Variants in ATP2B2 observed in about 807,000 individuals in gnomAD.
ATP2B2 encodes the protein ATPase plasma membrane Ca2+ transporting 2.
A neutral mutation model predicts 120.0 loss-of-function variants in ATP2B2; 15 were observed. The observed-to-expected ratio is 0.12, with a 90% CI of 0.08 to 0.19. ATP2B2 has a LOEUF of 0.19. ATP2B2 is among the 10% of genes least tolerant of loss of function. The pLI is 1.00. For missense variants in ATP2B2, 1,045 were observed against 1,719.8 expected (o/e 0.61, Z 6.94); for synonymous variants, 694 against 700.3 (o/e 0.99, Z 0.14).
chr3:10,474,011 G>T (rs571845445), intron 1 of ATP2B2, among the ~76,000 whole-genome samples: 5 of 152,198 alleles, frequency 3.3e-5, no homozygotes, highest in Admixed American at 3.3e-4. Flanking sequence ...GAATGGACTG[G>T]CAGGGTGAGA....
intron 3 of ATP2B2, among the ~76,000 whole-genome samples, chr3:10,533,147 C>G (rs894389910): frequency 1.3e-5 from 2 of 152,106 alleles, no homozygotes; most frequent in African/African-American, 4.8e-5. Flanking sequence ...CCAAGCAAGG[C>G]AAATAGCAGA....
intron 1 of ATP2B2, among the ~76,000 whole-genome samples, chr3:10,620,376 A>T (rs2069512010): frequency 6.6e-6 from 1 of 152,190 alleles, no homozygotes; most frequent in African/African-American, 2.4e-5. Context: ...GGCTCTGGAC[A>T]AAGTCTGGGG....
chr3:10,378,432 C>T (rs757148843), intron 9 of ATP2B2, 22 bp from the exon 10 acceptor site: 29 of 1,599,562 alleles, frequency 1.8e-5, no homozygotes, highest in East Asian at 1.1e-4. Flanking sequence ...AGATCACGCA[C>T]GTGCATACAC....
intron 14 of ATP2B2, 24 bp from the exon 15 acceptor site, chr3:10,350,601 G>A: frequency 6.2e-7 from 1 of 1,606,130 alleles, no homozygotes; most frequent in Non-Finnish European, 8.5e-7. Flanking sequence ...CAGGGGCCAT[G>A]GGGGAGGGCA....
At chr3:10,447,426 A>C (rs2063875637) in intron 2 of ATP2B2, among the ~76,000 whole-genome samples, 1 of 152,122 alleles carries the variant, frequency 6.6e-6, no homozygotes, top group African/African-American at 2.4e-5. Flanking sequence ...GGTTTTCTTA[A>C]CTAGGGTCCA....
rs572890867 is a variant in ATP2B2 at position 10,693,593 on chromosome 3, T to G, written c.-460+14322A>C. Among the ~76,000 whole-genome samples the G allele has an allele frequency of 3.3e-5, 5 of 152,382 alleles. No individual in the cohort carries two copies. In the South Asian group the frequency reaches 1.0e-3, roughly 32 times the overall value. On this transcript the variant is annotated intron_variant, in intron 1 of 21. Transcript: ENST00000646379. ...GTAACAAACGCCTGATTCTGCTTCT[T>G]GCTGTTTCTTTGCGGTGATATGTTC...
Position 10,657,832 on chromosome 3 carries a change from C to G in ATP2B2, c.-459-37871G>C, listed in dbSNP as rs1010124671. ...GGTCCCTGACCCCCAAGGAGCCTAA[C>G]TGGGAGGCACCTGCTAGTAGGGGCA... is the stretch of plus-strand genomic sequence containing the variant. On this transcript the variant is annotated intron_variant, in intron 1 of 21. Coordinates refer to the ATP2B2 transcript ENST00000646379. Among the ~76,000 whole-genome samples the G allele has an allele frequency of 2.1e-4, 32 of 152,366 alleles. 1 individual carries two copies. Among genetic ancestry groups the G allele is most frequent in the African/African-American group, 7.5e-4 (31 of 41,592 alleles).
Position 10,329,240 on chromosome 3 carries a change from C to T in ATP2B2, c.3421-115G>A. ...TAGGGCAAAGCAGGTGGCTGGAATC[C>T]ATAGTCGCTGGGTGTTATTAGCATT... On this transcript the variant is annotated intron_variant, in intron 22 of 22. Coordinates refer to ENST00000360273, the MANE Select transcript of ATP2B2 (RefSeq NM_001001331.4). This position sits in a 1 kb window ranked among gnomAD's most constrained non-coding sequence, Gnocchi z 5.9. The T allele has an allele frequency of 3.8e-6, 4 of 1,039,794 alleles. No homozygotes were observed. In the South Asian group the frequency reaches 5.1e-5, roughly 13 times the overall value. 64.4% of individuals were successfully genotyped at this position (1,039,794 alleles called of 1,614,324 possible).
chr3:10,553,711 AGTGG>A (rs2067718214), intron 2 of ATP2B2, among the ~76,000 whole-genome samples: 1 of 152,046 alleles, frequency 6.6e-6, no homozygotes, highest in Admixed American at 6.5e-5. Context: ...AGCAGCTCGG[AGTGG>A]GTGGAGCTTG....
At chr3:10,481,505 G>A (rs1012238612) in intron 1 of ATP2B2, among the ~76,000 whole-genome samples, 4 of 151,746 alleles carry the variant, frequency 2.6e-5, no homozygotes, top group East Asian at 1.9e-4. Flanking sequence ...AAGATGCCTT[G>A]TCATCACGCT....
chr3:10,436,434 A>G lies in ATP2B2; in HGVS notation c.199+12911T>C, dbSNP rs147801931. Among the ~76,000 whole-genome samples, 134 of 152,332 alleles carry G rather than the reference A, an allele frequency of 8.8e-4. 2 individuals are homozygous for G. In the East Asian group the frequency reaches 0.022, roughly 25 times the overall value. ...TGGGTAACGTGGTGGTATTTACACC[A>G]AGGAAATCAGCACCCACTGCAAAAG... On this transcript the variant is annotated intron_variant, in intron 2 of 22. Coordinates refer to ENST00000360273, the MANE Select transcript of ATP2B2 (RefSeq NM_001001331.4).
intron 2 of ATP2B2, among the ~76,000 whole-genome samples, chr3:10,560,797 G>A (rs556537876): frequency 2.6e-5 from 4 of 152,168 alleles, no homozygotes; most frequent in African/African-American, 9.6e-5. Context: ...ATCCATTGAC[G>A]GCCCTCCTGC....
upstream of ATP2B2, among the ~76,000 whole-genome samples, chr3:10,509,536 G>A (rs536995241): frequency 6.6e-6 from 1 of 152,328 alleles, no homozygotes; most frequent in Admixed American, 6.5e-5. Flanking sequence ...AGGGCCTTAC[G>A]TGAAAGTTAC....
At chr3:10,486,883 C>A (rs529268199) in intron 1 of ATP2B2, among the ~76,000 whole-genome samples, 1 of 152,052 alleles carries the variant, frequency 6.6e-6, no homozygotes, top group Non-Finnish European at 1.5e-5. Context: ...CCACACCCAG[C>A]TAATTTTTGT....
rs2059842062 is a variant in ATP2B2, at chr3:10,325,453, G to C, written c.*3361C>G. 6.6e-6 allele frequency: 1 copy of C among 152,252 alleles called. No individual in the cohort carries two copies. Among genetic ancestry groups the C allele is most frequent in the Admixed American group, 6.5e-5 (1 of 15,278 alleles). The allele number at this position is 152,252 out of a possible 1,614,324, so 9.4% of individuals were successfully genotyped here. A position where few individuals can be genotyped will look rare whatever the true frequency, so the allele number is the denominator to read the frequency against. The stretch of plus-strand genomic sequence containing the variant: ...CTAAGTCTATGTAAGACATCAGTGT[G>C]TGGTAAAGGTGGCATTTCAGCATGG... On this transcript the variant is annotated 3_prime_UTR_variant, in exon 23 of 23. Transcript: ENST00000360273.
intron 2 of ATP2B2, among the ~76,000 whole-genome samples, chr3:10,598,578 T>A (rs1233098500): frequency 6.6e-6 from 1 of 152,226 alleles, no homozygotes; most frequent in Non-Finnish European, 1.5e-5. Flanking sequence ...TTAAAATGAA[T>A]GACCCTCAAC....
At chr3:10,606,996 G>GAC (rs759156480) in intron 2 of ATP2B2, among the ~76,000 whole-genome samples, 7 of 4,700 alleles carry the variant, frequency 1.5e-3, no homozygotes, top group South Asian at 0.014. Context: ...GAGAGAGAGA[G>GAC]AGACAGAGAG....
At chr3:10,616,248 T>C (rs2069382734) in intron 2 of ATP2B2, among the ~76,000 whole-genome samples, 1 of 152,180 alleles carries the variant, frequency 6.6e-6, no homozygotes, top group Non-Finnish European at 1.5e-5. Context: ...TGTGATTAAG[T>C]TAAAATGAAG....
intron 2 of ATP2B2, among the ~76,000 whole-genome samples, chr3:10,618,021 T>G (rs1244210160): frequency 6.6e-6 from 1 of 152,068 alleles, no homozygotes; most frequent in Non-Finnish European, 1.5e-5. Flanking sequence ...AAAATACATA[T>G]ATAGATAAAA....
Sources: allele counts gnomAD v4.1 joint callset (sites outside exome capture counted in the v4.1 genomes callset), GRCh38; gene constraint gnomAD v4.1.1; non-coding constraint Gnocchi (gnomAD v3.1); transcripts MANE v1.5; gene names NCBI Gene and HGNC (gene_info 2026-07-23, HGNC 2026-07-21).